CHRNA7: variants seen among roughly 807,000 people sequenced by gnomAD.
CHRNA7 encodes neuronal acetylcholine receptor subunit alpha-7.
CHRNA7 carries 17 observed loss-of-function variants against 48.0 expected under a neutral mutation model. The ratio of observed to expected loss-of-function variants is 0.35; its 90% CI spans 0.24 to 0.53. The LOEUF (loss-of-function observed/expected upper bound fraction) is 0.53, where lower values mean the gene tolerates loss of function less well. Ranked by LOEUF, CHRNA7 falls within the 20% of genes least tolerant of loss-of-function variation. The pLI, the probability that CHRNA7 is intolerant of heterozygous loss-of-function variation, is 0.92. For missense variants in CHRNA7, 155 were observed against 577.7 expected (o/e 0.27, Z 7.50); for synonymous variants, 75 against 242.3 (o/e 0.31, Z 6.41).
intron 4 of CHRNA7, among the ~76,000 whole-genome samples, chr15:32,122,996 C>A (rs116987149): frequency 0.014 from 2,141 of 151,688 alleles, 36 homozygotes; most frequent in Non-Finnish European, 0.021. Flanking sequence ...TTGAACTGAA[C>A]TTTCTGGGCA....
intron 4 of CHRNA7, among the ~76,000 whole-genome samples, chr15:32,127,867 T>C (rs2051095204): frequency 6.6e-6 from 1 of 152,120 alleles, no homozygotes; most frequent in African/African-American, 2.4e-5. Context: ...GTGTTTTTGA[T>C]GTCAAGTCTT....
At chr15:32,051,302 C>G (rs2049670549) in intron 2 of CHRNA7, among the ~76,000 whole-genome samples, 1 of 152,096 alleles carries the variant, frequency 6.6e-6, no homozygotes, top group South Asian at 2.1e-4. Context: ...TGGGCTCCAC[C>G]CAGTTGGAGC....
intron 4 of CHRNA7, among the ~76,000 whole-genome samples, chr15:32,114,035 T>TATATATGTATATATATATATATATAC: frequency 1.4e-5 from 1 of 72,976 alleles, no homozygotes; most frequent in Admixed American, 2.2e-4. Flanking sequence ...TATATATATA[T>TATATATGTATATATATATATATATAC]ATATATATGT....
chr15:32,109,532 A>G (rs2050727805), intron 3 of CHRNA7, among the ~76,000 whole-genome samples: 1 of 152,180 alleles, frequency 6.6e-6, no homozygotes, highest in South Asian at 2.1e-4. Context: ...TGCCTCTGAC[A>G]CAATGGTCAG....
chr15:32,123,243 C>T (rs1356578755), intron 4 of CHRNA7, among the ~76,000 whole-genome samples: 1 of 152,102 alleles, frequency 6.6e-6, no homozygotes, highest in African/African-American at 2.4e-5. Context: ...CGTTTGGTGT[C>T]GGCCTTCTTT....
chr15:32,049,217 C>T (rs1395258585), intron 2 of CHRNA7, among the ~76,000 whole-genome samples: 5 of 151,958 alleles, frequency 3.3e-5, no homozygotes, highest in Admixed American at 1.3e-4. Context: ...CTTTCTGTCT[C>T]GTTGATCTGT....
At chr15:32,033,811 T>C (rs1157481358) in intron 2 of CHRNA7, among the ~76,000 whole-genome samples, 1 of 152,216 alleles carries the variant, frequency 6.6e-6, no homozygotes, top group Non-Finnish European at 1.5e-5. Flanking sequence ...CTAGAGACCA[T>C]AGTAGTTGGT....
intron 2 of CHRNA7, among the ~76,000 whole-genome samples, chr15:32,097,379 G>C (rs2050489428): frequency 6.6e-6 from 1 of 152,136 alleles, no homozygotes. Flanking sequence ...GGTATTAGGA[G>C]GTGATTAGTC....
chr15:32,117,023 C>A (rs918441013), intron 4 of CHRNA7, among the ~76,000 whole-genome samples: 1 of 152,124 alleles, frequency 6.6e-6, no homozygotes, highest in African/African-American at 2.4e-5. Flanking sequence ...TTGTGCTCAT[C>A]ATTGTTGCCA....
chr15:32,109,211 T>C (rs2050723003), intron 3 of CHRNA7, among the ~76,000 whole-genome samples: 1 of 152,218 alleles, frequency 6.6e-6, no homozygotes, highest in Non-Finnish European at 1.5e-5. Flanking sequence ...CATGCCTCTC[T>C]TTTTTAGACC....
At chr15:32,101,995 A>G (rs952058606) in intron 3 of CHRNA7, 1 of 152,164 alleles carries the variant, frequency 6.6e-6, no homozygotes, top group Non-Finnish European at 1.5e-5. Flanking sequence ...CCATATGAAC[A>G]AGCCTTTTTT....
intron 4 of CHRNA7, among the ~76,000 whole-genome samples, chr15:32,135,248 A>G (rs1300465882): frequency 6.6e-6 from 1 of 152,262 alleles, no homozygotes; most frequent in Non-Finnish European, 1.5e-5. Flanking sequence ...AAATATTAAA[A>G]GATTATTTTC....
chr15:32,048,989 T>A (rs1000968839), intron 2 of CHRNA7, among the ~76,000 whole-genome samples: 1 of 144,062 alleles, frequency 6.9e-6, no homozygotes, highest in African/African-American at 2.8e-5. Flanking sequence ...TTTGAGTGAG[T>A]TTCTTAATCC....
chr15:32,101,039 G>A, intron 2 of CHRNA7: 1 of 396,728 alleles, frequency 2.5e-6, no homozygotes, highest in Admixed American at 4.6e-5. Context: ...ATTTCTGGAT[G>A]GTAAGGTTGC....
chr15:32,094,566 C>T (rs1015668496), intron 2 of CHRNA7, among the ~76,000 whole-genome samples: 3 of 152,210 alleles, frequency 2.0e-5, no homozygotes, highest in African/African-American at 7.2e-5. Context: ...CGGGCCAATT[C>T]TCTTAGCCTT....
chr15:32,118,269 C>T (rs1422008554), intron 4 of CHRNA7, among the ~76,000 whole-genome samples: 4 of 152,228 alleles, frequency 2.6e-5, no homozygotes, highest in African/African-American at 9.6e-5. Context: ...GGACTCCCAG[C>T]ATCCATACTG....
intron 2 of CHRNA7, among the ~76,000 whole-genome samples, chr15:32,062,511 A>G (rs1241361727): frequency 6.6e-6 from 1 of 152,158 alleles, no homozygotes; most frequent in Non-Finnish European, 1.5e-5. Context: ...CCCCATGTTC[A>G]GACACGTGGA....
At chr15:32,112,321 C>T (rs1413476076) in intron 4 of CHRNA7, 1 of 458,344 alleles carries the variant, frequency 2.2e-6, no homozygotes, top group Non-Finnish European at 4.4e-6. Context: ...CGTCTATGTT[C>T]CCTGTTGTGC....
rs528681373 is a variant in CHRNA7, at chr15:32,108,068, C to T, written c.241-3722C>T. On this transcript the variant is annotated intron_variant, in intron 3 of 9. Coordinates refer to ENST00000306901, the MANE Select transcript of CHRNA7 (RefSeq NM_000746.6). Reference sequence around the variant, plus strand: ...GATAACTTTCCTTTTTCCTCCCTCCCTTCCCCTCTCTCATCCCTTTCCCCT... The same window carrying T: ...GATAACTTTCCTTTTTCCTCCCTCCTTTCCCCTCTCTCATCCCTTTCCCCT... 1.2e-4 allele frequency among the ~76,000 whole-genome samples: 18 copies of T among 152,018 alleles called. No individual in the cohort carries two copies. In the South Asian group the frequency reaches 3.7e-3, roughly 32 times the overall value.
Sources: gnomAD v4.1 joint callset for allele counts (sites outside exome capture counted in the v4.1 genomes callset) on GRCh38, gnomAD v4.1.1 for gene constraint, MANE v1.5 for transcripts, NCBI Gene and HGNC (gene_info 2026-07-23, HGNC 2026-07-21) for gene names.